The following ATG13 variants were observed in gnomAD, a reference collection of about 807,000 sequenced individuals.
ATG13 encodes autophagy-related protein 13.
In ATG13, 23 loss-of-function variants were observed where a neutral mutation model predicts 65.5. That is an observed-to-expected ratio of 0.35 (90% CI 0.25 to 0.50). The LOEUF is 0.50. Among genes scored for constraint, ATG13 ranks in the 20% least tolerant of loss-of-function variants. The probability of loss-of-function intolerance (pLI) is 0.98; values close to 1 mark genes in which losing one functional copy is unlikely to be tolerated. For missense variants in ATG13, 566 were observed against 677.0 expected, an observed-to-expected ratio of 0.84 and a Z score of 1.82; for synonymous variants, 252 against 245.2, an observed-to-expected ratio of 1.03 and a Z score of -0.26.
At chr11:46,669,380 A>G (rs377675456) in intron 17 of ATG13, 24 bp from the exon 18 acceptor site, 2 of 1,613,374 alleles carry the variant, frequency 1.2e-6, no homozygotes, top group Non-Finnish European at 1.7e-6. Context: ...GGCAAGCTAA[A>G]CTGACTCTGT....
chr11:46,620,515 C>G (rs551586608), intron 1 of ATG13, among the ~76,000 whole-genome samples: 3 of 151,892 alleles, frequency 2.0e-5, no homozygotes, highest in Admixed American at 6.6e-5. Context: ...GTTGCTCACA[C>G]CTGAAATCCC....
intron 7 of ATG13, among the ~76,000 whole-genome samples, chr11:46,655,093 T>C (rs1205009653): frequency 7.0e-6 from 1 of 142,888 alleles, no homozygotes; most frequent in African/African-American, 2.6e-5. Flanking sequence ...AGCGAGACAC[T>C]GTCTCAAAAA....
Position 46,672,780 on chromosome 11 carries a change from G to T in ATG13, c.*448G>T. ...GGTGTGGAGTCGCAGAAAGAGGAAG[G>T]AGACAGTGCCAGGAGGAAGAAGGAA... On this transcript the variant is annotated 3_prime_UTR_variant, in exon 19 of 19. Transcript: ENST00000683050. The T allele has an allele frequency of 7.4e-7, 1 of 1,347,262 alleles. No homozygotes were observed. Among genetic ancestry groups the T allele is most frequent in the Non-Finnish European group, 9.8e-7 (1 of 1,020,346 alleles). 83.5% of individuals were successfully genotyped at this position (1,347,262 alleles called of 1,614,324 possible). A position where few individuals can be genotyped will look rare whatever the true frequency, so the allele number is the denominator to read the frequency against.
chr11:46,643,418 T>C (rs1200793328), intron 2 of ATG13, among the ~76,000 whole-genome samples: 2 of 152,216 alleles, frequency 1.3e-5, no homozygotes, highest in Non-Finnish European at 2.9e-5. Flanking sequence ...GAGTCTATTT[T>C]ATCTGCTGGC....
intron 10 of ATG13, 83 bp downstream of exon 10, chr11:46,657,705 C>T: frequency 1.6e-6 from 2 of 1,261,466 alleles, no homozygotes; most frequent in Admixed American, 2.3e-5. Flanking sequence ...ACACTTTTCT[C>T]AGCACTCACT....
rs574379493 is a variant in ATG13 at position 46,617,736 on chromosome 11, G to A, written c.-224G>A. 3.3e-5 allele frequency: 13 copies of A among 398,320 alleles called. No homozygotes were observed. The highest frequency in any genetic ancestry group is 4.9e-5 in the Non-Finnish European group (11 of 225,980). 24.7% of individuals were successfully genotyped at this position (398,320 alleles called of 1,614,324 possible). ...AAAACGTCTGGGGCCTGCGAGCCAGGACCCTTCTGAAGCCTTAGGTGTCTA... is the reference window on the plus strand; with the variant it reads ...AAAACGTCTGGGGCCTGCGAGCCAGAACCCTTCTGAAGCCTTAGGTGTCTA... On this transcript the variant is annotated 5_prime_UTR_variant, in exon 1 of 19. Coordinates refer to ENST00000683050, the MANE Select transcript of ATG13 (RefSeq NM_001346311.2).
intron 1 of ATG13, among the ~76,000 whole-genome samples, chr11:46,621,907 CTT>C (rs759746876): frequency 7.9e-5 from 12 of 151,462 alleles, no homozygotes; most frequent in Admixed American, 3.3e-4. Flanking sequence ...TGATTGTACT[CTT>C]TATGGAATCT....
Position 46,667,777 on chromosome 11 carries a change from G to A in ATG13, c.1141G>A (p.Asp381Asn). 59 of 1,600,868 alleles carry A rather than the reference G, an allele frequency of 3.7e-5. No individual in the cohort carries two copies. Among genetic ancestry groups the A allele is most frequent in the Non-Finnish European group, 5.0e-5 (59 of 1,169,016 alleles). ...AACTTCACCTTTCTCCTCCAGTGAG[G>A]ATACTGAAACCGTATCAAACAGCAG... ...HCAATPSSSEDTETVSNSSEG... is the reference protein window; with the variant it reads ...HCAATPSSSENTETVSNSSEG... Residue 381 changes from aspartate to asparagine, a missense_variant, in exon 15 of 19, where the codon GAT becomes AAT. Around this residue, in one of 2 missense-constraint regions of ATG13, gnomAD observed 387 missense variants for 409.8 expected, o/e 0.94. Transcript: ENST00000683050.
intron 18 of ATG13, 84 bp downstream of exon 18, chr11:46,669,616 C>T (rs2063238305): frequency 6.8e-7 from 1 of 1,466,674 alleles, no homozygotes; most frequent in African/African-American, 1.4e-5. Context: ...CTACCACCTT[C>T]TATCTTCCCT....
rs1210517833 is a variant in ATG13 at position 46,664,854 on chromosome 11, A to T, written c.894A>T (p.Ser298=). Residue 298 remains serine (S), a synonymous_variant, in exon 13 of 19, where the codon TCA becomes TCT. Transcript: ENST00000683050. ...MAGLAFSHQL[S]SSRLSYQPAA... The stretch of plus-strand genomic sequence containing the variant: ...TTTGTTTTTCTCTTGCTTAGCTCTC[A>T]AGCTCTCGCCTTTCCTATCAGCCTG... The T allele has an allele frequency of 1.2e-6, 2 of 1,613,520 alleles. No homozygotes were observed. The highest frequency in any genetic ancestry group is 1.7e-6 in the Non-Finnish European group (2 of 1,179,592).
chr11:46,647,294 T>G (rs201536814), intron 5 of ATG13, among the ~76,000 whole-genome samples: 18 of 67,068 alleles, frequency 2.7e-4, no homozygotes, highest in South Asian at 1.7e-3. Flanking sequence ...TTTTTTTTTG[T>G]TTTTTTTTTT....
chr11:46,632,269 A>T (rs2052070480), intron 2 of ATG13: 1 of 152,222 alleles, frequency 6.6e-6, no homozygotes, highest in African/African-American at 2.4e-5. Context: ...GGAACTGCAT[A>T]AATTTTTTTG....
chr11:46,633,045 A>C (rs1363306101), intron 2 of ATG13, among the ~76,000 whole-genome samples: 2 of 121,840 alleles, frequency 1.6e-5, no homozygotes, highest in South Asian at 2.9e-4. Flanking sequence ...TTTTTTTGGC[A>C]ACGGGGTCTT....
intron 5 of ATG13, among the ~76,000 whole-genome samples, 182 bp downstream of exon 5, chr11:46,646,171 C>G (rs1290181108): frequency 6.6e-6 from 1 of 151,990 alleles, no homozygotes; most frequent in Non-Finnish European, 1.5e-5. Flanking sequence ...TTTTTTGAGA[C>G]TGAGTCTCGA....
chr11:46,626,296 G>A (rs2049589450), intron 1 of ATG13, among the ~76,000 whole-genome samples: 1 of 151,800 alleles, frequency 6.6e-6, no homozygotes, highest in South Asian at 2.1e-4. Context: ...TTGTGCCCAG[G>A]CTGGAGTGCA....
At chr11:46,635,659 TTACA>T (rs1248610836) in intron 2 of ATG13, among the ~76,000 whole-genome samples, 1 of 152,236 alleles carries the variant, frequency 6.6e-6, no homozygotes, top group Non-Finnish European at 1.5e-5. Context: ...AAAGTAAACC[TTACA>T]TACATTTATC....
chr11:46,659,288 C>T, intron 10 of ATG13, 104 bp from the exon 11 acceptor site: 1 of 868,056 alleles, frequency 1.2e-6, no homozygotes, highest in South Asian at 1.6e-5. Context: ...CTGTGTGAAA[C>T]CGTTCTTAGC....
At chr11:46,644,854 C>T (rs1358916378) in intron 3 of ATG13, among the ~76,000 whole-genome samples, 1 of 152,196 alleles carries the variant, frequency 6.6e-6, no homozygotes, top group Admixed American at 6.5e-5. Context: ...TCCTCTCAAC[C>T]ATTGCCATGC....
At chr11:46,672,225 A>G in intron 18 of ATG13, 30 bp from the exon 19 acceptor site, 5 of 1,614,066 alleles carry the variant, frequency 3.1e-6, no homozygotes, top group Non-Finnish European at 4.2e-6. Context: ...CTGCCTGAAT[A>G]AACGGCTCTT....
Sources: gnomAD v4.1 joint callset for allele counts (sites outside exome capture counted in the v4.1 genomes callset) on GRCh38, gnomAD v4.1.1 for gene constraint, gnomAD v4.1.1 regional missense constraint, MANE v1.5 for transcripts, NCBI Gene and HGNC (gene_info 2026-07-23, HGNC 2026-07-21) for gene names.